Variants in RUFY3 observed in about 807,000 individuals in gnomAD.
The protein encoded by RUFY3 is protein RUFY3.
RUFY3 carries 34 observed loss-of-function variants against 84.0 expected under a neutral mutation model. The ratio of observed to expected loss-of-function variants is 0.40; its 90% CI spans 0.31 to 0.54. The LOEUF is 0.54. RUFY3 is among the 20% of genes least tolerant of loss of function. The pLI, the probability that RUFY3 is intolerant of heterozygous loss-of-function variation, is 0.39. For synonymous variants in RUFY3, 242 were observed against 252.9 expected (o/e 0.96, Z 0.41); for missense variants, 507 against 736.8 (o/e 0.69, Z 3.61).
At chr4:70,754,930 G>GT (rs1264878479) in intron 1 of RUFY3, among the ~76,000 whole-genome samples, 2 of 150,364 alleles carry the variant, frequency 1.3e-5, no homozygotes, top group Non-Finnish European at 3.0e-5. Flanking sequence ...TGAGACGGGG[G>GT]TATCACTCTA....
At chr4:70,789,793 G>T in intron 12 of RUFY3, 1 of 1,211,022 alleles carries the variant, frequency 8.3e-7, no homozygotes, top group South Asian at 2.2e-5. Context: ...TCAATCACTT[G>T]ACTAGCCTTT....
At position 70,798,226 on chromosome 4, in the gene RUFY3, C is replaced by G. The variant is rs140209891; in HGVS notation, c.1558-1915C>G. 8.5e-4 allele frequency among the ~76,000 whole-genome samples: 129 copies of G among 151,668 alleles called. 2 individuals carry two copies. In the East Asian group the frequency reaches 0.024, roughly 29 times the overall value. On this transcript the variant is annotated intron_variant, in intron 14 of 17. Coordinates refer to ENST00000381006, the MANE Select transcript of RUFY3 (RefSeq NM_001037442.4). ...CTACAAAAAAATTTAAAAATTATCT[C>G]GGTGTGGTGGCTCGTGCCTATAGTC...
upstream of RUFY3, among the ~76,000 whole-genome samples, chr4:70,719,717 T>C (rs1311110000): frequency 6.6e-6 from 1 of 152,196 alleles, no homozygotes; most frequent in Non-Finnish European, 1.5e-5. Flanking sequence ...ATATATAATA[T>C]GGGAATATTT....
intron 1 of RUFY3, among the ~76,000 whole-genome samples, chr4:70,749,326 A>T (rs1310843279): frequency 6.6e-6 from 1 of 152,186 alleles, no homozygotes; most frequent in East Asian, 1.9e-4. Context: ...AAAATTGATT[A>T]TATTATGATA....
intron 14 of RUFY3, among the ~76,000 whole-genome samples, chr4:70,797,381 C>T (rs754808067): frequency 2.2e-4 from 33 of 152,130 alleles, no homozygotes; most frequent in African/African-American, 6.5e-4. Flanking sequence ...TTTCGTAATA[C>T]GCGTTTTCCA....
At chr4:70,766,003 C>T (rs1407705680) in intron 4 of RUFY3, among the ~76,000 whole-genome samples, 2 of 152,030 alleles carry the variant, frequency 1.3e-5, no homozygotes, top group Non-Finnish European at 2.9e-5. Flanking sequence ...TCTCGTGATC[C>T]ACCCACCTTG....
intron 4 of RUFY3, among the ~76,000 whole-genome samples, chr4:70,767,655 C>T (rs1380949630): frequency 6.6e-6 from 1 of 151,622 alleles, no homozygotes; most frequent in Non-Finnish European, 1.5e-5. Flanking sequence ...GCATTATAAG[C>T]AGTATTTAAT....
chr4:70,753,299 G>T (rs114549801), intron 1 of RUFY3, among the ~76,000 whole-genome samples: 285 of 152,176 alleles, frequency 1.9e-3, no homozygotes, highest in Admixed American at 2.9e-3. Flanking sequence ...GATCAGTCTA[G>T]CTAAATGTCA....
rs1560426404 is a variant in RUFY3, at chr4:70,705,216, TC to T, written c.285del (p.Gly96AlafsTer9). On this transcript the variant is annotated frameshift_variant, in exon 1 of 12. Coordinates refer to the RUFY3 transcript ENST00000417478. LOFTEE classifies it high-confidence loss of function. ...GCAGCGCTCCTGGAGGACCCCGCCG[TC>T]CCCCGGCTCACCGCTGCCCTTCCTG... The T allele has an allele frequency of 2.1e-6, 3 of 1,459,518 alleles. No individual in the cohort carries two copies. Among genetic ancestry groups the T allele is most frequent in the East Asian group, 3.1e-5 (1 of 32,684 alleles). The allele number at this position is 1,459,518 out of a possible 1,614,324, so 90.4% of individuals were successfully genotyped here.
Position 70,793,818 on chromosome 4 carries a change from TGAG to T in RUFY3, c.1372_1374del (p.Glu458del). 2.5e-6 allele frequency: 4 copies of T among 1,614,120 alleles called. No homozygotes were observed. The highest frequency in any genetic ancestry group is 1.7e-6 in the Non-Finnish European group (2 of 1,180,008). Reference sequence around the variant, plus strand: ...AGGCTGAGCGAAGCCGCCAATCTGCTGAGTTGGACAACCGGCTCTTCAAACAGG... The same window carrying T: ...AGGCTGAGCGAAGCCGCCAATCTGCTTTGGACAACCGGCTCTTCAAACAGG... On this transcript the variant is annotated inframe_deletion, in exon 13 of 18. Transcript: ENST00000381006.
In RUFY3 at chr4:70,762,624, A is replaced by T; in HGVS notation, c.284A>T (p.Asp95Val). 1 of 1,613,890 alleles carries T rather than the reference A, an allele frequency of 6.2e-7. No homozygotes were observed. ...GCTCTGAACCTGGGGAGGACTCTTG[A>T]CTCTGACTATGCACCTCTCCAGCAA... ...ESALNLGRTL[D>V]SDYAPLQQFF... The change falls in exon 2 of 18, where the codon GAC becomes GTC. Residue 95 changes from aspartate to valine, a missense_variant. By Grantham distance (152) the Asp-to-Val change is radical. Coordinates refer to ENST00000381006, the MANE Select transcript of RUFY3 (RefSeq NM_001037442.4).
Position 70,722,560 on chromosome 4 carries a change from C to A in RUFY3, c.-14C>A, listed in dbSNP as rs1309540341. The A allele has an allele frequency of 1.9e-6, 3 of 1,608,306 alleles. No homozygotes were observed. The highest frequency in any genetic ancestry group is 2.5e-6 in the Non-Finnish European group (3 of 1,177,678). On this transcript the variant is annotated 5_prime_UTR_variant, in exon 1 of 18. Transcript: ENST00000381006. ...GTGTGTCTGTGTGTGTGTTGTGGTC[C>A]CAGCTGAGTCATCATGTCTGCTCTG...
chr4:70,790,918 C>T (rs774749596), intron 12 of RUFY3, among the ~76,000 whole-genome samples: 5 of 152,020 alleles, frequency 3.3e-5, no homozygotes, highest in Non-Finnish European at 5.9e-5. Context: ...AACCTGAAAC[C>T]TCTTACATAG....
intron 4 of RUFY3, among the ~76,000 whole-genome samples, chr4:70,766,272 T>G (rs1342891514): frequency 6.6e-6 from 1 of 152,176 alleles, no homozygotes; most frequent in Admixed American, 6.5e-5. Context: ...TTTAAGAGAC[T>G]CGCGCTCTGT....
At chr4:70,731,947 T>C (rs1281465285) in intron 1 of RUFY3, among the ~76,000 whole-genome samples, 1 of 152,248 alleles carries the variant, frequency 6.6e-6, no homozygotes, top group Non-Finnish European at 1.5e-5. Context: ...ATTATTCTTT[T>C]AGCCAAGCAT....
intron 12 of RUFY3, chr4:70,791,172 T>G: frequency 6.9e-6 from 10 of 1,458,314 alleles, no homozygotes; most frequent in South Asian, 1.2e-5. Flanking sequence ...TGTTTCCTGT[T>G]TATCCATTTT....
At chr4:70,780,288 G>GTTTTGTT (rs113628359) in intron 8 of RUFY3, among the ~76,000 whole-genome samples, 2 of 150,752 alleles carry the variant, frequency 1.3e-5, no homozygotes, top group African/African-American at 2.4e-5. Flanking sequence ...GTTTTGTTTT[G>GTTTTGTT]TTTTGTTTTT....
rs545237787 is a variant in RUFY3, at chr4:70,724,317, C to T, written c.178+1566C>T. 3.9e-5 allele frequency among the ~76,000 whole-genome samples: 6 copies of T among 152,234 alleles called. No individual in the cohort carries two copies. The East Asian group carries it at 7.7e-4, about 20-fold the overall frequency. On this transcript the variant is annotated intron_variant, in intron 1 of 17. Coordinates refer to ENST00000381006, the MANE Select transcript of RUFY3 (RefSeq NM_001037442.4). The stretch of plus-strand genomic sequence containing the variant: ...ATTTTGTTTGAAAAAAATGTATTCC[C>T]GTCCAATTTGAGAGTTATACAATAT...
At chr4:70,708,777 G>T (rs1411161503) in intron 1 of RUFY3, among the ~76,000 whole-genome samples, 1 of 152,120 alleles carries the variant, frequency 6.6e-6, no homozygotes, top group Non-Finnish European at 1.5e-5. Context: ...TGGAACGGTG[G>T]CTCAAGCCTG....
Sources: gnomAD v4.1 joint callset for allele counts (sites outside exome capture counted in the v4.1 genomes callset) on GRCh38, gnomAD v4.1.1 for gene constraint, MANE v1.5 for transcripts, NCBI Gene and HGNC (gene_info 2026-07-23, HGNC 2026-07-21) for gene names.